The following ACTC1 variants were observed in gnomAD, a reference collection of about 807,000 sequenced individuals.
ACTC1 encodes the protein actin alpha cardiac muscle 1, also known as actin, alpha cardiac muscle 1.
A neutral mutation model predicts 31.6 loss-of-function variants in ACTC1; 10 were observed. The observed-to-expected ratio is 0.32, with a 90% CI of 0.19 to 0.54. ACTC1 has a LOEUF of 0.54. ACTC1 is among the 20% of genes least tolerant of loss of function. The pLI is 0.95. For missense variants in ACTC1, 129 were observed against 506.4 expected, an observed-to-expected ratio of 0.25 and a Z score of 7.15; for synonymous variants, 196 against 185.0, an observed-to-expected ratio of 1.06 and a Z score of -0.48.
At chr15:34,791,332 CA>C in intron 5 of ACTC1, 37 bp from the exon 6 acceptor site, 2 of 1,568,548 alleles carry the variant, frequency 1.3e-6, no homozygotes, top group Non-Finnish European at 1.7e-6. Context: ...CACACACACA[CA>C]CACACACACA....
At chr15:34,791,349 A>ACACACAT (rs1555418724) in intron 5 of ACTC1, 54 bp from the exon 6 acceptor site, 2 of 1,392,708 alleles carry the variant, frequency 1.4e-6, no homozygotes, top group African/African-American at 2.8e-5. Context: ...ACACACACAC[A>ACACACAT]CACATCACAG....
At position 34,793,276 on chromosome 15, in the gene ACTC1, C is replaced by A; in HGVS notation, c.423G>T (p.Val141=). The A allele has an allele frequency of 6.2e-7, 1 of 1,614,138 alleles. No homozygotes were observed. Among genetic ancestry groups the A allele is most frequent in the South Asian group, 1.1e-5 (1 of 91,078 alleles). The change falls in exon 3 of 7, where the codon GTG becomes GTT. Residue 141 remains valine (V), a synonymous_variant. Coordinates refer to ENST00000290378, the MANE Select transcript of ACTC1 (RefSeq NM_005159.5). This position sits in a 1 kb window ranked among gnomAD's most constrained non-coding sequence, Gnocchi z 4.8. ...TACGGCCAGAAGCATACAGGGATAG[C>A]ACTGCCTGGATGGCCACGTACATGG... ...VPAMYVAIQA[V]LSLYASGRTT... is the part of the protein sequence containing the mutation.
chr15:34,792,314 T>C lies in ACTC1; in HGVS notation c.617-33A>G, dbSNP rs747281221. The C allele has an allele frequency of 3.1e-6, 5 of 1,614,032 alleles. No homozygotes were observed. The South Asian group carries it at 5.5e-5, about 18-fold the overall frequency. On this transcript the variant is annotated intron_variant, in intron 4 of 6. Transcript: ENST00000290378. This position sits in a 1 kb window ranked among gnomAD's most constrained non-coding sequence, Gnocchi z 5.3. Reference sequence around the variant, plus strand: ...AATAAAGAGTATCACAGTCATGCTCTGAAGCAAGAAGTCAATTATAGGGAG... The same window carrying C: ...AATAAAGAGTATCACAGTCATGCTCCGAAGCAAGAAGTCAATTATAGGGAG...
chr15:34,792,796 C>G lies in ACTC1; in HGVS notation c.455-227G>C. The G allele has an allele frequency of 1.7e-6, 1 of 573,034 alleles. No individual in the cohort carries two copies. The highest frequency in any genetic ancestry group is 2.0e-5 in the South Asian group (1 of 49,534). 35.5% of individuals were successfully genotyped at this position (573,034 alleles called of 1,614,324 possible). ...TAACTATTATAGTAGAAAAAATTCC[C>G]GAGGACACTTTCAAATGACCATCTT... On this transcript the variant is annotated intron_variant, in intron 3 of 6. Transcript: ENST00000290378. This position sits in a 1 kb window ranked among gnomAD's most constrained non-coding sequence, Gnocchi z 5.3.
chr15:34,794,940 G>C, intron 1 of ACTC1, 110 bp from the exon 2 acceptor site: 1 of 1,001,518 alleles, frequency 1.0e-6, no homozygotes, highest in Non-Finnish European at 1.4e-6. Flanking sequence ...GACTGGACAG[G>C]GGGTTGGGCG....
chr15:34,792,085 C>T lies in ACTC1; in HGVS notation c.808+5G>A. The T allele has an allele frequency of 6.2e-7, 1 of 1,614,128 alleles. No individual in the cohort carries two copies. The highest frequency in any genetic ancestry group is 2.2e-5 in the East Asian group (1 of 44,890). ...CGTGCCTCTGCACCAGACCCTACAA[C>T]TCACCAATGAAGGAGGGCTGGAAGA... On this transcript the variant is annotated splice_donor_5th_base_variant and intron_variant, in intron 5 of 6. Transcript: ENST00000290378. The surrounding 1 kb of genome is among the most constrained non-coding windows in gnomAD (Gnocchi z 5.3).
Position 34,792,311 on chromosome 15 carries a change from C to T in ACTC1, c.617-30G>A, listed in dbSNP as rs1480119134. ...AGAAATAAAGAGTATCACAGTCATG[C>T]TCTGAAGCAAGAAGTCAATTATAGG... On this transcript the variant is annotated intron_variant, in intron 4 of 6. Coordinates refer to ENST00000290378, the MANE Select transcript of ACTC1 (RefSeq NM_005159.5). This position sits in a 1 kb window ranked among gnomAD's most constrained non-coding sequence, Gnocchi z 5.3. 11 of 1,614,034 alleles carry T rather than the reference C, an allele frequency of 6.8e-6. No individual in the cohort carries two copies.
At chr15:34,790,631 TCA>T in intron 6 of ACTC1, 76 bp from the exon 7 acceptor site, 4 of 1,565,986 alleles carry the variant, frequency 2.6e-6, no homozygotes, top group Non-Finnish European at 2.6e-6. Context: ...TTGGGAGGAT[TCA>T]CAGAAAAAAA....
In ACTC1 at chr15:34,794,748, C is replaced by T. The variant is rs1270508243; in HGVS notation, c.61G>A (p.Ala21Thr). The T allele has an allele frequency of 1.2e-6, 2 of 1,613,556 alleles. No homozygotes were observed. Among genetic ancestry groups the T allele is most frequent in the African/African-American group, 1.3e-5 (1 of 74,924 alleles). The change falls in exon 2 of 7, where the codon GCC becomes ACC. Residue 21 changes from alanine to threonine, a missense_variant. Ala to Thr is a moderately conservative substitution (Grantham distance 58, BLOSUM62 0). Coordinates refer to ENST00000290378, the MANE Select transcript of ACTC1 (RefSeq NM_005159.5). ...VCDNGSGLVK[A>T]GFAGDDAPRA... ...GGCGCGTCATCGCCCGCAAAGCCGG[C>T]CTTCACCAGCCCAGAGCCGTTGTCG...
rs1566967111 is a variant in ACTC1, at chr15:34,791,258, A to G, written c.846T>C (p.Asn282=). 2 of 1,611,042 alleles carry G rather than the reference A, an allele frequency of 1.2e-6. No homozygotes were observed. The highest frequency in any genetic ancestry group is 1.3e-5 in the African/African-American group (1 of 74,528). ...ESAGIHETTY[N]SIMKCDIDIR... ...TATCAATGTCACACTTCATGATGCT[A>G]TTGTAAGTTGTTTCATGGATGCCAG... The change falls in exon 6 of 7, where the codon AAT becomes AAC. Residue 282 remains asparagine, a synonymous_variant. Coordinates refer to ENST00000290378, the MANE Select transcript of ACTC1 (RefSeq NM_005159.5).
chr15:34,793,211 A>G lies in ACTC1; in HGVS notation c.454+34T>C. On this transcript the variant is annotated intron_variant, in intron 3 of 6. Coordinates refer to ENST00000290378, the MANE Select transcript of ACTC1 (RefSeq NM_005159.5). This position sits in a 1 kb window ranked among gnomAD's most constrained non-coding sequence, Gnocchi z 4.8. ...GCAAGGTCGGTGACTTGGGAATGTGATTCATCAGTAACTGTCCCCAGAGCC... is the reference window on the plus strand; with the variant it reads ...GCAAGGTCGGTGACTTGGGAATGTGGTTCATCAGTAACTGTCCCCAGAGCC... 1.2e-6 allele frequency: 2 copies of G among 1,607,316 alleles called. No individual in the cohort carries two copies. Among genetic ancestry groups the G allele is most frequent in the Non-Finnish European group, 1.7e-6 (2 of 1,174,016 alleles).
intron 1 of ACTC1, 75 bp from the exon 2 acceptor site, chr15:34,794,905 G>A: frequency 1.3e-6 from 2 of 1,493,882 alleles, no homozygotes; most frequent in Non-Finnish European, 1.8e-6. Flanking sequence ...CCAGAGGACA[G>A]GACAGAGCAG....
Position 34,792,659 on chromosome 15 carries a change from A to G in ACTC1, c.455-90T>C. On this transcript the variant is annotated intron_variant, in intron 3 of 6. Coordinates refer to ENST00000290378, the MANE Select transcript of ACTC1 (RefSeq NM_005159.5). This position sits in a 1 kb window ranked among gnomAD's most constrained non-coding sequence, Gnocchi z 5.3. ...GCAAAGCCCGCTTCCAATCTTGGCT[A>G]AGAGATGCTAGCAATGGGCATTGAT... is the stretch of plus-strand genomic sequence containing the variant. 1.4e-6 allele frequency: 2 copies of G among 1,415,776 alleles called. No homozygotes were observed. Among genetic ancestry groups the G allele is most frequent in the South Asian group, 1.2e-5 (1 of 85,292 alleles). 87.7% of individuals were successfully genotyped at this position (1,415,776 alleles called of 1,614,324 possible).
rs775734832 is a variant in ACTC1 at position 34,793,134 on chromosome 15, G to A, written c.454+111C>T. On this transcript the variant is annotated intron_variant, in intron 3 of 6. Coordinates refer to ENST00000290378, the MANE Select transcript of ACTC1 (RefSeq NM_005159.5). This position sits in a 1 kb window ranked among gnomAD's most constrained non-coding sequence, Gnocchi z 4.8. ...TTTCTCTTAGCACAGACCTTGCTAG[G>A]GAATGGGAGGAAAGGGATTATCCCT... 6 of 1,122,974 alleles carry A rather than the reference G, an allele frequency of 5.3e-6. No individual in the cohort carries two copies. The highest frequency in any genetic ancestry group is 6.6e-6 in the Non-Finnish European group (5 of 758,148). The allele number at this position is 1,122,974 out of a possible 1,614,324, so 69.6% of individuals were successfully genotyped here. A position where few individuals can be genotyped will look rare whatever the true frequency, so the allele number is the denominator to read the frequency against.
In ACTC1 at chr15:34,790,366, T is replaced by C; in HGVS notation, c.*46A>G. 2 of 1,610,614 alleles carry C rather than the reference T, an allele frequency of 1.2e-6. No individual in the cohort carries two copies. Among genetic ancestry groups the C allele is most frequent in the East Asian group, 2.2e-5 (1 of 44,848 alleles). ...GTGGTTTGGAAGACTCCAAGAAGCA[T>C]AATACCGTCATCCTGACTGGAAGGT... On this transcript the variant is annotated 3_prime_UTR_variant, in exon 7 of 7. Transcript: ENST00000290378.
intron 1 of ACTC1, 103 bp from the exon 2 acceptor site, chr15:34,794,933 TGGACA>T: frequency 2.0e-6 from 1 of 495,466 alleles, no homozygotes; most frequent in Non-Finnish European, 2.9e-6. Context: ...TTGTGGGGAC[TGGACA>T]GGGGGTTGGG....
In ACTC1 at chr15:34,794,663, C is replaced by G; in HGVS notation, c.129+17G>C. Reference sequence around the variant, plus strand: ...AAGGGGTCCCGAGTGGGACGGGGGGCTCGGCGGGAAGTTTACCTGGTGCCG... The same window carrying G: ...AAGGGGTCCCGAGTGGGACGGGGGGGTCGGCGGGAAGTTTACCTGGTGCCG... On this transcript the variant is annotated intron_variant, in intron 2 of 6. Transcript: ENST00000290378. 1 of 1,608,326 alleles carries G rather than the reference C, an allele frequency of 6.2e-7. No homozygotes were observed. Among genetic ancestry groups the G allele is most frequent in the South Asian group, 1.1e-5 (1 of 90,630 alleles).
rs141322728 is a variant in ACTC1 at position 34,793,399 on chromosome 15, G to A, written c.300C>T (p.Pro100=). The change falls in exon 3 of 7, where the codon CCC becomes CCT. Residue 100 remains proline, a synonymous_variant. Coordinates refer to ENST00000290378, the MANE Select transcript of ACTC1 (RefSeq NM_005159.5). The surrounding 1 kb of genome is among the most constrained non-coding windows in gnomAD (Gnocchi z 4.8). ...HTFYNELRVA[P]EEHPTLLTEA... Reference sequence around the variant, plus strand: ...CTGTGAGCAGGGTGGGGTGCTCCTCGGGAGCCACACGGAGCTCATTGTAGA... The same window carrying A: ...CTGTGAGCAGGGTGGGGTGCTCCTCAGGAGCCACACGGAGCTCATTGTAGA... 2.2e-5 allele frequency: 35 copies of A among 1,614,104 alleles called. No individual in the cohort carries two copies. In the East Asian group the frequency reaches 5.1e-4, roughly 24 times the overall value.
chr15:34,795,533 C>T lies in ACTC1; in HGVS notation c.-50G>A, dbSNP rs139691739. On this transcript the variant is annotated 5_prime_UTR_variant, in exon 1 of 7. Coordinates refer to ENST00000290378, the MANE Select transcript of ACTC1 (RefSeq NM_005159.5). ...TCGGCGGGGCGGGTCGGCTCGGCTC[C>T]GGCGGCAGCGGGCTCTGGGTGGCTG... is the stretch of plus-strand genomic sequence containing the variant. The T allele has an allele frequency of 6.8e-3, 1,041 of 152,050 alleles. 14 individuals are homozygous for T. The highest frequency in any genetic ancestry group is 0.05 in the Middle Eastern group (15 of 298). The allele number at this position is 152,050 out of a possible 1,614,324, so 9.4% of individuals were successfully genotyped here.
Sources: gnomAD v4.1 joint callset for allele counts on GRCh38, gnomAD v4.1.1 for gene constraint, Gnocchi (gnomAD v3.1) non-coding constraint, MANE v1.5 for transcripts, NCBI Gene and HGNC (gene_info 2026-07-23, HGNC 2026-07-21) for gene names.